Variants in GALNT12 observed in about 807,000 individuals in gnomAD.
The protein encoded by GALNT12 is UDP-GalNAc:polypeptide N-acetylgalactosaminyltransferase 12.
Under a neutral mutation model 55.5 loss-of-function variants are expected in GALNT12, and 45 were observed. The ratio of observed to expected loss-of-function variants is 0.81; its 90% confidence interval spans 0.64 to 1.04. The LOEUF (loss-of-function observed/expected upper bound fraction) is 1.04. Ranked by LOEUF, GALNT12 falls within the 50% of genes least tolerant of loss-of-function variation. The probability of loss-of-function intolerance (pLI) is 0.00; values close to 1 mark genes in which losing one functional copy is unlikely to be tolerated. For missense variants in GALNT12, 709 were observed against 754.8 expected (o/e 0.94, Z 0.71); for synonymous variants, 304 against 312.2 (o/e 0.97, Z 0.28).
chr9:98,835,961 C>A (rs1383536105), intron 5 of GALNT12, among the ~76,000 whole-genome samples: 1 of 152,180 alleles, frequency 6.6e-6, no homozygotes, highest in Admixed American at 6.5e-5. Context: ...ATCTCAAACT[C>A]CTGACCTCAG....
chr9:98,831,890 G>T lies in GALNT12; in HGVS notation c.850G>T (p.Val284Leu). Reference sequence around the variant, plus strand: ...GATCGGCGGTTTCGACTGGAGGCTGGTGTTCACGTGGCACACAGTTCCTGA... The same window carrying T: ...GATCGGCGGTTTCGACTGGAGGCTGTTGTTCACGTGGCACACAGTTCCTGA... ...PQIGGFDWRL[V>L]FTWHTVPERE... The change falls in exon 4 of 10, where the codon GTG becomes TTG. Residue 284 changes from valine to leucine, a missense_variant. Physicochemically the swap from Val to Leu is conservative, Grantham distance 32. Coordinates refer to ENST00000375011, the MANE Select transcript of GALNT12 (RefSeq NM_024642.5). 1 of 1,614,158 alleles carries T rather than the reference G, an allele frequency of 6.2e-7. No individual in the cohort carries two copies. Among genetic ancestry groups the T allele is most frequent in the Non-Finnish European group, 8.5e-7 (1 of 1,180,024 alleles).
chr9:98,830,093 G>C (rs1031076712), intron 3 of GALNT12, among the ~76,000 whole-genome samples: 3 of 152,168 alleles, frequency 2.0e-5, no homozygotes, highest in Non-Finnish European at 4.4e-5. Flanking sequence ...TCCCACCAAC[G>C]GTGTGTGAGG....
intron 2 of GALNT12, 142 bp downstream of exon 2, chr9:98,823,567 G>T (rs1231812818): frequency 1.3e-5 from 9 of 718,278 alleles, no homozygotes; most frequent in Non-Finnish European, 2.2e-5. Context: ...AGACCTCAGG[G>T]ATAGTAGCCC....
intron 1 of GALNT12, among the ~76,000 whole-genome samples, chr9:98,814,004 G>T (rs768993708): frequency 1.3e-5 from 2 of 152,118 alleles, no homozygotes; most frequent in Non-Finnish European, 1.5e-5. Flanking sequence ...AAATATAAAA[G>T]AAAATATATT....
At chr9:98,809,078 C>G (rs1313081718) in intron 1 of GALNT12, among the ~76,000 whole-genome samples, 2 of 152,202 alleles carry the variant, frequency 1.3e-5, no homozygotes, top group African/African-American at 4.8e-5. Context: ...ACCCAAGGCC[C>G]CTCAGCTGGA....
chr9:98,826,762 G>A lies in GALNT12; in HGVS notation c.552G>A (p.Lys184=). ...VDDYSDREHL[K]ERLANELSGL... is the part of the protein sequence containing the mutation. ...TGTTTGCCTCCCTAGAGCACCTGAA[G>A]GAGCGCTTGGCCAATGAGCTTTCGG... The change falls in exon 3 of 10, where the codon AAG becomes AAA. Residue 184 remains lysine (K), a synonymous_variant. Transcript: ENST00000375011. 1 of 1,611,338 alleles carries A rather than the reference G, an allele frequency of 6.2e-7. No homozygotes were observed. The highest frequency in any genetic ancestry group is 8.5e-7 in the Non-Finnish European group (1 of 1,179,728).
intron 3 of GALNT12, among the ~76,000 whole-genome samples, chr9:98,831,042 G>A (rs1835981772): frequency 4.6e-5 from 7 of 152,074 alleles, no homozygotes; most frequent in Admixed American, 3.9e-4. Context: ...AAAGAAACAC[G>A]GCCTGGAAGC....
intron 5 of GALNT12, 147 bp from the exon 6 acceptor site, chr9:98,836,825 G>A (rs1588453614): frequency 1.0e-5 from 8 of 796,696 alleles, no homozygotes; most frequent in African/African-American, 3.4e-5. Flanking sequence ...GAGTGTGCCG[G>A]GTAGGTGGCC....
chr9:98,814,546 C>T (rs1835571171), intron 1 of GALNT12, among the ~76,000 whole-genome samples: 1 of 151,910 alleles, frequency 6.6e-6, no homozygotes, highest in Non-Finnish European at 1.5e-5. Flanking sequence ...CACGTCTTTA[C>T]TAAAAATACA....
intron 9 of GALNT12, among the ~76,000 whole-genome samples, chr9:98,847,818 T>C (rs544319604): frequency 0.13 from 18,962 of 146,762 alleles, 1,496 homozygotes; most frequent in East Asian, 0.24. Context: ...GATCTTTTTT[T>C]TTTTTTTTTT....
At chr9:98,816,489 A>G (rs1835613889) in intron 1 of GALNT12, among the ~76,000 whole-genome samples, 1 of 152,084 alleles carries the variant, frequency 6.6e-6, no homozygotes, top group African/African-American at 2.4e-5. Context: ...TCTACATTGA[A>G]TGCACCTCAC....
intron 7 of GALNT12, among the ~76,000 whole-genome samples, chr9:98,843,508 G>T (rs570442475): frequency 6.6e-6 from 1 of 152,072 alleles, no homozygotes; most frequent in South Asian, 2.1e-4. Context: ...CTGGGTTCAA[G>T]TGATTCTCCC....
intron 6 of GALNT12, among the ~76,000 whole-genome samples, chr9:98,837,830 T>A (rs143895496): frequency 6.6e-6 from 1 of 152,298 alleles, no homozygotes; most frequent in African/African-American, 2.4e-5. Flanking sequence ...CAACTCAAAT[T>A]TTTTGTCCAT....
intron 3 of GALNT12, among the ~76,000 whole-genome samples, chr9:98,829,528 TA>T (rs1029990904): frequency 1.4e-4 from 21 of 151,424 alleles, no homozygotes; most frequent in African/African-American, 4.7e-4. Flanking sequence ...TTTTTTTTTT[TA>T]CTATAGTCAC....
chr9:98,815,828 C>T (rs750643870), intron 1 of GALNT12, among the ~76,000 whole-genome samples: 25 of 152,190 alleles, frequency 1.6e-4, no homozygotes, highest in Non-Finnish European at 2.6e-4. Context: ...ATTGTTTATG[C>T]GTGAACGCGC....
In GALNT12 at chr9:98,808,065, C is replaced by A. The variant is rs1207193475; in HGVS notation, c.367C>A (p.Pro123Thr). 1.3e-6 allele frequency: 2 copies of A among 1,577,272 alleles called. No homozygotes were observed. The highest frequency in any genetic ancestry group is 1.8e-5 in the Admixed American group (1 of 55,618). The change falls in exon 1 of 10, where the codon CCG becomes ACG. Residue 123 changes from proline (P) to threonine (T), a missense_variant. Coordinates refer to ENST00000375011, the MANE Select transcript of GALNT12 (RefSeq NM_024642.5). ...CCGCCGCCTGCCCGAGCGCTGGAAC[C>A]CGCTGTGAGTGCACAGCTCTGGGGA... ...LHRRLPERWN[P>T]LCKEKKYDYD...
At chr9:98,819,081 C>T (rs964374438) in intron 1 of GALNT12, among the ~76,000 whole-genome samples, 7 of 152,154 alleles carry the variant, frequency 4.6e-5, no homozygotes, top group South Asian at 2.1e-4. Context: ...ACATGGCAGC[C>T]GGCTTTCTCC....
intron 3 of GALNT12, among the ~76,000 whole-genome samples, chr9:98,827,383 T>G (rs1835882789): frequency 6.6e-6 from 1 of 152,028 alleles, no homozygotes; most frequent in South Asian, 2.1e-4. Flanking sequence ...TATTTTTTTG[T>G]AGAGATGGGG....
Position 98,837,017 on chromosome 9 carries a change from G to A in GALNT12, c.1081G>A (p.Val361Ile). 1.2e-6 allele frequency: 2 copies of A among 1,614,158 alleles called. No individual in the cohort carries two copies. The highest frequency in any genetic ancestry group is 1.7e-6 in the Non-Finnish European group (2 of 1,180,032). Residue 361 changes from valine (V) to isoleucine (I), a missense_variant, in exon 6 of 10, where the codon GTT becomes ATT. This residue lies in a region of GALNT12 where 262 missense variants were observed against 310.7 expected (regional missense o/e 0.84). Coordinates refer to ENST00000375011, the MANE Select transcript of GALNT12 (RefSeq NM_024642.5). The stretch of plus-strand genomic sequence containing the variant: ...TCTGGAAACACACCCATGTTCCCAT[G>A]TTGGCCATGTTTTCCCCAAGCAAGC... ...GVLETHPCSH[V>I]GHVFPKQAPY...
Sources: allele counts gnomAD v4.1 joint callset (sites outside exome capture counted in the v4.1 genomes callset), GRCh38; gene constraint gnomAD v4.1.1; regional missense constraint gnomAD v4.1.1; transcripts MANE v1.5; gene names NCBI Gene and HGNC (gene_info 2026-07-23, HGNC 2026-07-21).